C1orf159: variants seen among roughly 807,000 people sequenced by gnomAD.
C1orf159 encodes chromosome 1 open reading frame 159, also known as uncharacterized protein C1orf159.
C1orf159 carries 19 observed loss-of-function variants against 25.6 expected under a neutral mutation model. The ratio of observed to expected loss-of-function variants is 0.74; its 90% CI spans 0.52 to 1.09. C1orf159 has a LOEUF of 1.09. Among genes scored for constraint, C1orf159 ranks in the 50% least tolerant of loss-of-function variants. The pLI is 0.00. For synonymous variants in C1orf159, 139 were observed against 124.7 expected, an observed-to-expected ratio of 1.12 and a Z score of -0.77; for missense variants, 274 against 290.6, an observed-to-expected ratio of 0.94 and a Z score of 0.42.
At chr1:1,103,982 T>C (rs1464422698) in intron 1 of C1orf159, among the ~76,000 whole-genome samples, 1 of 144,740 alleles carries the variant, frequency 6.9e-6, no homozygotes, top group African/African-American at 2.8e-5. Context: ...TGCCAGATAG[T>C]AGAATTTTTA....
chr1:1,098,329 A>G lies in C1orf159; in HGVS notation c.-135-6226T>C, dbSNP rs563561216. The stretch of plus-strand genomic sequence containing the variant: ...TCTGATCCACCCACCTCGACCTCCC[A>G]AAGTGCAGGGATTACATGTGTGAGC... On this transcript the variant is annotated intron_variant, in intron 1 of 9. Coordinates refer to ENST00000421241, the MANE Select transcript of C1orf159 (RefSeq NM_017891.5). 3.3e-5 allele frequency among the ~76,000 whole-genome samples: 5 copies of G among 152,288 alleles called. No homozygotes were observed. The East Asian group carries it at 7.7e-4, about 23-fold the overall frequency.
chr1:1,102,097 C>CAAA (rs1198740610), intron 1 of C1orf159, among the ~76,000 whole-genome samples: 3 of 108,378 alleles, frequency 2.8e-5, no homozygotes, highest in African/African-American at 1.1e-4. Context: ...AAAAAAAAAA[C>CAAA]AAACTTTTGA....
Position 1,087,768 on chromosome 1 carries a change from G to T in C1orf159, c.149-171C>A. On this transcript the variant is annotated intron_variant, in intron 4 of 9. Transcript: ENST00000421241. This position sits in a 1 kb window ranked among gnomAD's most constrained non-coding sequence, Gnocchi z 8.3. ...GGACACCCCCAGGGAGCATGGCGGG[G>T]CCGTGAGCACCCCACGCTGAGTACT... The T allele has an allele frequency of 9.8e-6, 6 of 610,322 alleles. No homozygotes were observed. The South Asian group carries it at 1.2e-4, about 12-fold the overall frequency. The allele number at this position is 610,322 out of a possible 1,614,324, so 37.8% of individuals were successfully genotyped here.
chr1:1,097,406 A>C (rs771332517), intron 1 of C1orf159, among the ~76,000 whole-genome samples: 2 of 150,240 alleles, frequency 1.3e-5, no homozygotes, highest in Non-Finnish European at 3.0e-5. Context: ...TGCTTGGCCT[A>C]TCTTTCTATT....
At position 1,087,942 on chromosome 1, in the gene C1orf159, C is replaced by T. The variant is rs1043648537; in HGVS notation, c.149-345G>A. ...GAGTACTCCACGCTGCACTCCACGC[C>T]GAGCACCCCGGCCCTGAGCACCCCG... On this transcript the variant is annotated intron_variant, in intron 4 of 9. Coordinates refer to ENST00000421241, the MANE Select transcript of C1orf159 (RefSeq NM_017891.5). The surrounding 1 kb of genome is among the most constrained non-coding windows in gnomAD (Gnocchi z 8.3). Among the ~76,000 whole-genome samples, 15 of 151,380 alleles carry T rather than the reference C, an allele frequency of 9.9e-5. No individual in the cohort carries two copies. Among genetic ancestry groups the T allele is most frequent in the Non-Finnish European group, 2.1e-4 (14 of 67,740 alleles).
At chr1:1,097,342 T>A (rs1170346737) in intron 1 of C1orf159, among the ~76,000 whole-genome samples, 1 of 151,888 alleles carries the variant, frequency 6.6e-6, no homozygotes, top group Admixed American at 6.6e-5. Flanking sequence ...TGACCTCAAG[T>A]GATCCGCCCA....
chr1:1,090,719 C>T (rs1183471932), intron 3 of C1orf159: 28 of 763,950 alleles, frequency 3.7e-5, no homozygotes, highest in Middle Eastern at 3.5e-4. Flanking sequence ...GCCATGGCAG[C>T]GCCACCGACA....
Position 1,089,777 on chromosome 1 carries a change from T to G in C1orf159, c.148+576A>C, listed in dbSNP as rs942908201. Among the ~76,000 whole-genome samples the G allele has an allele frequency of 7.2e-5, 11 of 151,882 alleles. No individual in the cohort carries two copies. Among genetic ancestry groups the G allele is most frequent in the African/African-American group, 2.7e-4 (11 of 41,342 alleles). On this transcript the variant is annotated intron_variant, in intron 4 of 9. Coordinates refer to ENST00000421241, the MANE Select transcript of C1orf159 (RefSeq NM_017891.5). The surrounding 1 kb of genome is among the most constrained non-coding windows in gnomAD (Gnocchi z 7.5). ...TGCACCTTCTCACTCTGTCCTCCCCTCCCCTGGCTGCTCCCACTGGCTGCC... is the reference window on the plus strand; with the variant it reads ...TGCACCTTCTCACTCTGTCCTCCCCGCCCCTGGCTGCTCCCACTGGCTGCC...
intron 1 of C1orf159, among the ~76,000 whole-genome samples, chr1:1,109,614 G>A (rs1646230528): frequency 6.6e-6 from 1 of 152,034 alleles, no homozygotes; most frequent in East Asian, 1.9e-4. Context: ...CTACATGCCT[G>A]CCACCATATC....
At chr1:1,086,434 G>A (rs1412657898) in intron 6 of C1orf159, among the ~76,000 whole-genome samples, 1 of 152,240 alleles carries the variant, frequency 6.6e-6, no homozygotes, top group Non-Finnish European at 1.5e-5. Flanking sequence ...GGCAGCAGGT[G>A]CTCCTGCACC....
intron 1 of C1orf159, among the ~76,000 whole-genome samples, chr1:1,105,092 C>T (rs6664124): frequency 0.24 from 36,402 of 152,188 alleles, 5,880 homozygotes; most frequent in African/African-American, 0.46. Context: ...TGTGAGTAGG[C>T]GGCAGGGTTA....
intron 1 of C1orf159, among the ~76,000 whole-genome samples, chr1:1,100,409 G>A (rs1256107854): frequency 1.3e-5 from 2 of 152,106 alleles, no homozygotes; most frequent in Non-Finnish European, 2.9e-5. Context: ...TTAAGTACAA[G>A]GAGTTGTGCC....
chr1:1,090,276 G>A lies in C1orf159; in HGVS notation c.148+77C>T, dbSNP rs546713238. On this transcript the variant is annotated intron_variant, in intron 4 of 9. Transcript: ENST00000421241. ...ACAGATGAGCACTGTCCTTGTCACCGAGGGGAGGGCCCTGGGCACACACAC... is the reference window on the plus strand; with the variant it reads ...ACAGATGAGCACTGTCCTTGTCACCAAGGGGAGGGCCCTGGGCACACACAC... 2,750 of 1,410,122 alleles carry A rather than the reference G, an allele frequency of 2.0e-3. 6 individuals are homozygous for A. The highest frequency in any genetic ancestry group is 2.5e-3 in the Non-Finnish European group (2,548 of 1,019,650). 87.4% of individuals were successfully genotyped at this position (1,410,122 alleles called of 1,614,324 possible).
chr1:1,091,640 G>A, intron 2 of C1orf159, 75 bp from the exon 3 acceptor site: 1 of 1,065,538 alleles, frequency 9.4e-7, no homozygotes, highest in Non-Finnish European at 1.4e-6. Context: ...CCAAATGAAA[G>A]TGGGGTCAAG....
At chr1:1,102,830 G>GT (rs1010090454) in intron 1 of C1orf159, among the ~76,000 whole-genome samples, 60 of 148,544 alleles carry the variant, frequency 4.0e-4, no homozygotes, top group African/African-American at 5.4e-4. Context: ...TTCAGATCTT[G>GT]TTTTTTTTTG....
At chr1:1,093,996 C>T (rs1645976673) in intron 1 of C1orf159, among the ~76,000 whole-genome samples, 1 of 152,152 alleles carries the variant, frequency 6.6e-6, no homozygotes, top group Non-Finnish European at 1.5e-5. Flanking sequence ...GGCATCTTTC[C>T]ATGTGTTTAT....
At chr1:1,109,370 G>C (rs564796457) in intron 1 of C1orf159, among the ~76,000 whole-genome samples, 94 of 152,264 alleles carry the variant, frequency 6.2e-4, no homozygotes, top group South Asian at 5.4e-3. Flanking sequence ...CCAGGGGCTG[G>C]GGGGCAGGGA....
chr1:1,108,791 G>A (rs878987059), intron 1 of C1orf159, among the ~76,000 whole-genome samples: 5 of 70,732 alleles, frequency 7.1e-5, no homozygotes, highest in Non-Finnish European at 9.7e-5. Context: ...TCTCGGCACC[G>A]TTCACCACAG....
In C1orf159 at chr1:1,087,631, A is replaced by C. The variant is rs1645853013; in HGVS notation, c.149-34T>G. The C allele has an allele frequency of 6.8e-7, 1 of 1,465,350 alleles. No homozygotes were observed. The highest frequency in any genetic ancestry group is 1.2e-5 in the South Asian group (1 of 80,774). The allele number at this position is 1,465,350 out of a possible 1,614,324, so 90.8% of individuals were successfully genotyped here. A position where few individuals can be genotyped will look rare whatever the true frequency, so the allele number is the denominator to read the frequency against. On this transcript the variant is annotated intron_variant, in intron 4 of 9. Coordinates refer to ENST00000421241, the MANE Select transcript of C1orf159 (RefSeq NM_017891.5). This position sits in a 1 kb window ranked among gnomAD's most constrained non-coding sequence, Gnocchi z 8.3. ...GGCAGAGGACGGGCATGTCAGCCAA[A>C]GCAAAATCCACACCAGCTGGGTCTC...
Sources: gnomAD v4.1 joint callset for allele counts (sites outside exome capture counted in the v4.1 genomes callset) on GRCh38, gnomAD v4.1.1 for gene constraint, Gnocchi (gnomAD v3.1) non-coding constraint, MANE v1.5 for transcripts, NCBI Gene and HGNC (gene_info 2026-07-23, HGNC 2026-07-21) for gene names.